CACNA1E: variants seen among roughly 807,000 people sequenced by gnomAD.
CACNA1E encodes calcium voltage-gated channel subunit alpha1 E, also known as voltage-dependent R-type calcium channel subunit alpha-1E.
A neutral mutation model predicts 259.2 loss-of-function variants in CACNA1E; 40 were observed. The ratio of observed to expected loss-of-function variants is 0.15; its 90% confidence interval spans 0.12 to 0.20. CACNA1E has a LOEUF of 0.20. Among genes scored for constraint, CACNA1E ranks in the 10% least tolerant of loss-of-function variants. The pLI is 1.00. For missense variants in CACNA1E, 1,874 were observed against 3,040.1 expected (o/e 0.62, Z 9.02); for synonymous variants, 1,104 against 1,138.5 (o/e 0.97, Z 0.61).
At chr1:181,757,859 C>A in intron 30 of CACNA1E, 88 bp from the exon 31 acceptor site, 1 of 1,422,974 alleles carries the variant, frequency 7.0e-7, no homozygotes, top group Non-Finnish European at 9.7e-7. Flanking sequence ...TCCCATTCAC[C>A]GTCCTCCTCT....
At chr1:181,363,460 G>C (rs1404121645) in intron 1 of CACNA1E, among the ~76,000 whole-genome samples, 3 of 152,192 alleles carry the variant, frequency 2.0e-5, no homozygotes, top group African/African-American at 2.4e-5. Context: ...AATAAAGATT[G>C]ATATGCAAAT....
intron 3 of CACNA1E, among the ~76,000 whole-genome samples, chr1:181,575,180 C>A (rs1209744295): frequency 6.6e-6 from 1 of 152,180 alleles, no homozygotes; most frequent in Admixed American, 6.5e-5. Context: ...TGGTAGCCCT[C>A]CTGCACTGGA....
intron 1 of CACNA1E, among the ~76,000 whole-genome samples, chr1:181,502,150 GCTAA>G (rs1665305809): frequency 6.6e-6 from 1 of 152,074 alleles, no homozygotes; most frequent in African/African-American, 2.4e-5. Flanking sequence ...GTTGTACACT[GCTAA>G]CTGTCACATG....
rs561668455 is a variant in CACNA1E at position 181,715,779 on chromosome 1, C to T, written c.1226-261C>T. ...GCCAGGACAGATGGATACGGAGTGCCTGTTTACCTCCTGCATTTAGATAGG... is the reference window on the plus strand; with the variant it reads ...GCCAGGACAGATGGATACGGAGTGCTTGTTTACCTCCTGCATTTAGATAGG... On this transcript the variant is annotated intron_variant, in intron 9 of 47. Transcript: ENST00000367573. Among the ~76,000 whole-genome samples, 8 of 152,258 alleles carry T rather than the reference C, an allele frequency of 5.3e-5. No homozygotes were observed. In the South Asian group the frequency reaches 1.7e-3, roughly 32 times the overall value.
chr1:181,521,459 C>T (rs1666987018), intron 3 of CACNA1E, among the ~76,000 whole-genome samples: 2 of 152,202 alleles, frequency 1.3e-5, no homozygotes, highest in Non-Finnish European at 2.9e-5. Flanking sequence ...CAGGGCTAAG[C>T]ATCCCTAATA....
At chr1:181,790,957 C>T (rs1191142147) in intron 44 of CACNA1E, among the ~76,000 whole-genome samples, 1 of 152,178 alleles carries the variant, frequency 6.6e-6, no homozygotes, top group Non-Finnish European at 1.5e-5. Flanking sequence ...GTGGGACACA[C>T]AAATGCCCCA....
At chr1:181,327,990 C>A (rs1650926566) in intron 1 of CACNA1E, among the ~76,000 whole-genome samples, 1 of 152,218 alleles carries the variant, frequency 6.6e-6, no homozygotes, top group Non-Finnish European at 1.5e-5. Context: ...GCTGGAGCCT[C>A]TCTCTTCACG....
At chr1:181,720,889 A>T (rs1369770503) in intron 15 of CACNA1E, 34 bp downstream of exon 15, 2 of 1,410,700 alleles carry the variant, frequency 1.4e-6, no homozygotes, top group Non-Finnish European at 2.0e-6. Context: ...CAAGTGCTGC[A>T]TGGGGTCCCT....
intron 6 of CACNA1E, among the ~76,000 whole-genome samples, chr1:181,603,714 A>G (rs1653960179): frequency 6.6e-6 from 1 of 152,110 alleles, no homozygotes; most frequent in African/African-American, 2.4e-5. Context: ...GATGCTATTG[A>G]GCATTTCTCA....
chr1:181,776,609 C>G lies in CACNA1E; in HGVS notation c.5267+381C>G, dbSNP rs1285201299. On this transcript the variant is annotated intron_variant, in intron 38 of 47. Transcript: ENST00000367573. The surrounding 1 kb of genome is among the most constrained non-coding windows in gnomAD (Gnocchi z 4.4). ...TTTTGGCCAGCTGGACATCTGGCCA[C>G]CATGATCAGTGACTGTGTTTTCTCT... Among the ~76,000 whole-genome samples, 2 of 152,254 alleles carry G rather than the reference C, an allele frequency of 1.3e-5. No homozygotes were observed. Among genetic ancestry groups the G allele is most frequent in the Non-Finnish European group, 2.9e-5 (2 of 68,046 alleles).
intron 2 of CACNA1E, among the ~76,000 whole-genome samples, chr1:181,456,193 A>G (rs1310529370): frequency 2.0e-5 from 3 of 152,140 alleles, no homozygotes; most frequent in Non-Finnish European, 4.4e-5. Flanking sequence ...CCAGTGAGTG[A>G]GGAGGAAACT....
chr1:181,705,314 A>G (rs944183433), intron 7 of CACNA1E, among the ~76,000 whole-genome samples: 3 of 152,202 alleles, frequency 2.0e-5, no homozygotes, highest in East Asian at 1.9e-4. Context: ...CTTCATCTTA[A>G]TGATTAATTA....
chr1:181,363,706 A>G (rs1654060314), intron 1 of CACNA1E, among the ~76,000 whole-genome samples: 2 of 152,194 alleles, frequency 1.3e-5, no homozygotes, highest in Non-Finnish European at 2.9e-5. Flanking sequence ...CAGGGCAGAA[A>G]GAGACTCCCC....
At chr1:181,517,552 G>A (rs1666683027) in intron 3 of CACNA1E, among the ~76,000 whole-genome samples, 1 of 151,864 alleles carries the variant, frequency 6.6e-6, no homozygotes, top group Admixed American at 6.6e-5. Context: ...AAAAGTTGGA[G>A]CCATCTCCAC....
chr1:181,686,275 G>GTTTTTT (rs66526388), intron 7 of CACNA1E, among the ~76,000 whole-genome samples: 1 of 58,634 alleles, frequency 1.7e-5, no homozygotes. Context: ...TAAGAACCAA[G>GTTTTTT]TTTTTTTTTT....
intron 6 of CACNA1E, among the ~76,000 whole-genome samples, chr1:181,614,333 A>G (rs1020369931): frequency 1.3e-5 from 2 of 152,210 alleles, no homozygotes; most frequent in African/African-American, 4.8e-5. Flanking sequence ...TTATACTGTC[A>G]TGACCTTTCT....
chr1:181,337,077 G>T (rs774410740), intron 1 of CACNA1E, among the ~76,000 whole-genome samples: 1 of 150,770 alleles, frequency 6.6e-6, no homozygotes, highest in Non-Finnish European at 1.5e-5. Context: ...ATAGTAAAAT[G>T]ATTACTACAG....
At chr1:181,456,865 A>ACTTTTTT (rs1327689355) in intron 2 of CACNA1E, among the ~76,000 whole-genome samples, 1 of 152,130 alleles carries the variant, frequency 6.6e-6, no homozygotes, top group Non-Finnish European at 1.5e-5. Flanking sequence ...GGTGGAGAAG[A>ACTTTTTT]CTTTTTTCTC....
intron 7 of CACNA1E, among the ~76,000 whole-genome samples, chr1:181,688,407 AT>A (rs1278844429): frequency 6.6e-6 from 1 of 152,168 alleles, no homozygotes; most frequent in Non-Finnish European, 1.5e-5. Context: ...CACTTCTAGA[AT>A]TTTGCTAATG....
Sources: allele counts gnomAD v4.1 joint callset (sites outside exome capture counted in the v4.1 genomes callset), GRCh38; gene constraint gnomAD v4.1.1; non-coding constraint Gnocchi (gnomAD v3.1); transcripts MANE v1.5; gene names NCBI Gene and HGNC (gene_info 2026-07-23, HGNC 2026-07-21).